SMC2: variants seen among roughly 807,000 people sequenced by gnomAD.
SMC2 encodes structural maintenance of chromosomes protein 2.
Under a neutral mutation model 142.6 loss-of-function variants are expected in SMC2, and 41 were observed. The ratio of observed to expected loss-of-function variants is 0.29; its 90% CI spans 0.22 to 0.37. The LOEUF (loss-of-function observed/expected upper bound fraction) is 0.37. SMC2 is among the 10% of genes least tolerant of loss of function. SMC2 has a pLI of 1.00. For missense variants in SMC2, 1,265 were observed against 1,373.7 expected (o/e 0.92, Z 1.25); for synonymous variants, 463 against 457.5 (o/e 1.01, Z -0.15).
chr9:104,120,703 A>G (rs982353675), intron 16 of SMC2, among the ~76,000 whole-genome samples: 1 of 152,184 alleles, frequency 6.6e-6, no homozygotes, highest in Non-Finnish European at 1.5e-5. Context: ...TATGGATAAG[A>G]TATGTATATA....
upstream of SMC2, among the ~76,000 whole-genome samples, chr9:104,091,813 A>G (rs1253090089): frequency 2.0e-5 from 3 of 151,658 alleles, no homozygotes; most frequent in African/African-American, 7.3e-5. Context: ...TAGAGCACCA[A>G]ATATTTCTCC....
chr9:104,115,807 C>T (rs1833039429), intron 13 of SMC2, among the ~76,000 whole-genome samples: 1 of 152,032 alleles, frequency 6.6e-6, no homozygotes, highest in South Asian at 2.1e-4. Flanking sequence ...ATTTATTTAT[C>T]CTACCCAACT....
intron 9 of SMC2, among the ~76,000 whole-genome samples, chr9:104,110,948 TTAGAA>T (rs1299046524): frequency 6.6e-6 from 1 of 152,232 alleles, no homozygotes; most frequent in Non-Finnish European, 1.5e-5. Context: ...CTTTAATGTC[TTAGAA>T]TAGGGCCTAC....
At chr9:104,103,434 G>C (rs977156346) in intron 9 of SMC2, among the ~76,000 whole-genome samples, 6 of 152,160 alleles carry the variant, frequency 3.9e-5, no homozygotes, top group Non-Finnish European at 7.4e-5. Flanking sequence ...TTTGACATGG[G>C]ATAAATAAAT....
chr9:104,127,847 C>T (rs1412803882), intron 20 of SMC2, among the ~76,000 whole-genome samples: 1 of 152,096 alleles, frequency 6.6e-6, no homozygotes, highest in Non-Finnish European at 1.5e-5. Flanking sequence ...TTAAAAAACT[C>T]ACAGAACTAT....
upstream of SMC2, chr9:104,094,157 G>A (rs1587871533): frequency 2.6e-6 from 1 of 384,892 alleles, no homozygotes; most frequent in Non-Finnish European, 4.6e-6. Flanking sequence ...GGAGTCCCCG[G>A]AGCTACCATT....
intron 2 of SMC2, 55 bp downstream of exon 2, chr9:104,095,607 C>G: frequency 1.4e-6 from 2 of 1,442,258 alleles, no homozygotes; most frequent in Non-Finnish European, 1.9e-6. Flanking sequence ...AGAATCCTCA[C>G]TGAACTTTGG....
intron 21 of SMC2, among the ~76,000 whole-genome samples, chr9:104,131,394 C>T (rs1033889007): frequency 2.6e-4 from 40 of 152,236 alleles, no homozygotes; most frequent in African/African-American, 9.4e-4. Context: ...GTCCAATTCC[C>T]TTTATCCTGA....
In SMC2 at chr9:104,140,505, A is replaced by G. The variant is rs1835973059; in HGVS notation, c.*1190A>G. ...TTAGTCTTATTTCCTTAGTGTTATT[A>G]TCATACTTCCCCTGATATATGGCCG... On this transcript the variant is annotated 3_prime_UTR_variant, in exon 25 of 25. Transcript: ENST00000374793. The G allele has an allele frequency of 6.6e-6, 1 of 152,482 alleles. No individual in the cohort carries two copies. The highest frequency in any genetic ancestry group is 6.6e-5 in the Admixed American group (1 of 15,252). 9.4% of individuals were successfully genotyped at this position (152,482 alleles called of 1,614,324 possible).
chr9:104,137,580 G>A (rs1835684326), intron 23 of SMC2, among the ~76,000 whole-genome samples: 1 of 152,094 alleles, frequency 6.6e-6, no homozygotes, highest in African/African-American at 2.4e-5. Context: ...TTATGTAAGT[G>A]TTTACATTAT....
chr9:104,089,466 A>G (rs1355570080), upstream of SMC2, among the ~76,000 whole-genome samples: 1 of 152,138 alleles, frequency 6.6e-6, no homozygotes, highest in Non-Finnish European at 1.5e-5. Context: ...AAATGAGAAT[A>G]ATATTTGAGG....
At chr9:104,106,926 G>A (rs1471056223) in intron 9 of SMC2, among the ~76,000 whole-genome samples, 10 of 152,128 alleles carry the variant, frequency 6.6e-5, no homozygotes. Context: ...CAGTCAAGAG[G>A]ATCCCTCCTG....
chr9:104,118,282 A>C lies in SMC2; in HGVS notation c.1903A>C (p.Asn635His). Residue 635 changes from asparagine (N) to histidine (H), a missense_variant, in exon 15 of 25, where the codon AAT becomes CAT. Asn to His is a moderately conservative substitution (Grantham distance 68). Transcript: ENST00000374793. Reference sequence around the variant, plus strand: ...AACATTTGTTTGTGACAATATGGATAATGCCAAAAAAGTGGCCTTTGATAA... The same window carrying C: ...AACATTTGTTTGTGACAATATGGATCATGCCAAAAAAGTGGCCTTTGATAA... ...GTTFVCDNMDNAKKVAFDKRI... is the reference protein window; with the variant it reads ...GTTFVCDNMDHAKKVAFDKRI... 1 of 1,613,726 alleles carries C rather than the reference A, an allele frequency of 6.2e-7. No homozygotes were observed.
chr9:104,124,914 G>C lies in SMC2; in HGVS notation c.2260G>C (p.Glu754Gln), dbSNP rs758995648. ...CATTTGCTTACTTTGTGATGCAGAG[G>C]AAAGTGAGGAGACTTTGAAAAACAC... ...ELDALKKTIEESEETLKNTKE... is the reference protein window; with the variant it reads ...ELDALKKTIEQSEETLKNTKE... The change falls in exon 18 of 25, where the codon GAA becomes CAA. Residue 754 changes from glutamate (E) to glutamine (Q), a missense_variant and splice_region_variant. By Grantham distance (29) the Glu-to-Gln change is conservative (BLOSUM62 2). Transcript: ENST00000374793. 3.2e-6 allele frequency: 5 copies of C among 1,582,872 alleles called. No homozygotes were observed. In the East Asian group the frequency reaches 1.1e-4, roughly 36 times the overall value.
At chr9:104,114,655 A>T (rs763658785) in intron 12 of SMC2, 36 bp from the exon 13 acceptor site, 4 of 1,567,850 alleles carry the variant, frequency 2.6e-6, no homozygotes, top group Non-Finnish European at 1.7e-6. Context: ...CTACTTTATT[A>T]TCTAAGATTA....
In SMC2 at chr9:104,116,248, A is replaced by G. The variant is rs761490427; in HGVS notation, c.1720A>G (p.Thr574Ala). ...AAGGGGGGAACTGAAACGTCGATAC[A>G]CTATAATTCCACTCAATAAAATTTC... ...LERGELKRRY[T>A]IIPLNKISAR... The change falls in exon 14 of 25, where the codon ACT (threonine) becomes GCT (alanine). Residue 574 changes from threonine (T) to alanine (A), a missense_variant. Coordinates refer to ENST00000374793, the MANE Select transcript of SMC2 (RefSeq NM_006444.3). 16 of 1,608,174 alleles carry G rather than the reference A, an allele frequency of 9.9e-6. No individual in the cohort carries two copies. The highest frequency in any genetic ancestry group is 1.4e-5 in the Non-Finnish European group (16 of 1,177,670).
intron 23 of SMC2, 36 bp downstream of exon 23, chr9:104,134,611 C>T (rs752308302): frequency 2.7e-5 from 19 of 709,864 alleles, no homozygotes; most frequent in Non-Finnish European, 3.7e-5. Context: ...AATTTTCATT[C>T]CTCTTTATTA....
Position 104,129,663 on chromosome 9 carries a change from G to C in SMC2, c.2809G>C (p.Asp937His), listed in dbSNP as rs1022475090. Residue 937 changes from aspartate to histidine, a missense_variant, in exon 21 of 25, where the codon GAT (aspartate) becomes CAT (histidine). Physicochemically the swap from Asp to His is moderately conservative, Grantham distance 81. This residue lies in a region of SMC2 where 898 missense variants were observed against 904.2 expected (regional missense o/e 0.99). Coordinates refer to ENST00000374793, the MANE Select transcript of SMC2 (RefSeq NM_006444.3). ...TGGCTAGGTATCCAAAATGTTGAAAGATTATGACTGGATTAATGCAGAGAG... is the reference window on the plus strand; with the variant it reads ...TGGCTAGGTATCCAAAATGTTGAAACATTATGACTGGATTAATGCAGAGAG... Reference protein sequence around the residue: ...GAAKVSKMLKDYDWINAERHL... With the variant: ...GAAKVSKMLKHYDWINAERHL... 1 of 1,613,764 alleles carries C rather than the reference G, an allele frequency of 6.2e-7. No individual in the cohort carries two copies. The highest frequency in any genetic ancestry group is 1.3e-5 in the African/African-American group (1 of 74,898).
At chr9:104,089,501 T>A (rs558492788), upstream of SMC2, among the ~76,000 whole-genome samples, 1 of 152,058 alleles carries the variant, frequency 6.6e-6, no homozygotes, top group Admixed American at 6.6e-5. Flanking sequence ...ATTATCCCCA[T>A]AAAAGAAGGG....
Sources: allele counts gnomAD v4.1 joint callset (sites outside exome capture counted in the v4.1 genomes callset), GRCh38; gene constraint gnomAD v4.1.1; regional missense constraint gnomAD v4.1.1; transcripts MANE v1.5; gene names NCBI Gene and HGNC (gene_info 2026-07-23, HGNC 2026-07-21).